Variants in POTEI observed in about 807,000 individuals in gnomAD.
The protein encoded by POTEI is POTE ankyrin domain family member I, also known as POTE ankyrin domain family, member I.
POTEI carries 14 observed loss-of-function variants against 43.4 expected under a neutral mutation model. The observed-to-expected ratio is 0.32, with a 90% CI of 0.21 to 0.50. The LOEUF (loss-of-function observed/expected upper bound fraction) is 0.50. Among genes scored for constraint, POTEI ranks in the 20% least tolerant of loss-of-function variants. POTEI has a pLI of 0.98. For missense variants in POTEI, 235 were observed against 795.4 expected, an observed-to-expected ratio of 0.30 and a Z score of 8.47; for synonymous variants, 95 against 297.9, an observed-to-expected ratio of 0.32 and a Z score of 7.01.
chr2:130,479,190 C>CATA, intron 10 of POTEI, among the ~76,000 whole-genome samples: 1 of 147,530 alleles, frequency 6.8e-6, no homozygotes, highest in Non-Finnish European at 1.5e-5. Flanking sequence ...TTTATATTCC[C>CATA]ACTGCCACTG....
At chr2:130,494,697 C>T (rs2579455) in intron 6 of POTEI, among the ~76,000 whole-genome samples, 24 of 143,466 alleles carry the variant, frequency 1.7e-4, no homozygotes, top group Non-Finnish European at 2.3e-4. Context: ...TAAAACACTG[C>T]CAACAGCACA....
chr2:130,477,472 G>A (rs1180688565), intron 10 of POTEI, among the ~76,000 whole-genome samples: 1 of 150,654 alleles, frequency 6.6e-6, no homozygotes, highest in African/African-American at 2.5e-5. Flanking sequence ...GCTATGTGAA[G>A]TCTTCCTTGA....
chr2:130,483,681 G>C (rs1284943393), intron 9 of POTEI, among the ~76,000 whole-genome samples: 1 of 140,720 alleles, frequency 7.1e-6, no homozygotes, highest in Non-Finnish European at 1.5e-5. Flanking sequence ...TGCAAGCTCC[G>C]CCTCCTGGGT....
rs879759124 is a variant in POTEI, at chr2:130,477,159, C to CT, written c.1481-459dup. ...AATTTATTTTCTTTTTTTCTTTTTT[C>CT]TTTTTTTTTTTTTATGAACCAGGGT... On this transcript the variant is annotated intron_variant, in intron 10 of 14. Transcript: ENST00000451531. Among the ~76,000 whole-genome samples, 1,422 of 145,130 alleles carry CT rather than the reference C, an allele frequency of 9.8e-3. 29 individuals are homozygous for CT. Among genetic ancestry groups the CT allele is most frequent in the African/African-American group, 0.026 (1,008 of 39,380 alleles).
chr2:130,493,767 T>G lies in POTEI; in HGVS notation c.1126+2785A>C, dbSNP rs1339501398. ...AAACATTTACAAAATGGCTTTTATT[T>G]AAAAAAAAAGCCTGCCAACTATTAA... On this transcript the variant is annotated intron_variant, in intron 6 of 14. Coordinates refer to ENST00000451531, the MANE Select transcript of POTEI (RefSeq NM_001277406.2). Among the ~76,000 whole-genome samples, 7 of 37,964 alleles carry G rather than the reference T, an allele frequency of 1.8e-4. 3 individuals are homozygous for G. In the Admixed American group the frequency reaches 2.4e-3, roughly 13 times the overall value. The allele number at this position is 37,964 out of a possible 152,430, so 24.9% of individuals were successfully genotyped here. A position where few individuals can be genotyped will look rare whatever the true frequency, so the allele number is the denominator to read the frequency against.
At chr2:130,504,541 A>G (rs1435927995) in intron 1 of POTEI, among the ~76,000 whole-genome samples, 1 of 144,502 alleles carries the variant, frequency 6.9e-6, no homozygotes, top group African/African-American at 2.5e-5. Flanking sequence ...TGAGGCATAA[A>G]ATAATGGGGC....
intron 13 of POTEI, among the ~76,000 whole-genome samples, chr2:130,470,584 C>A (rs536919274): frequency 0.018 from 144 of 7,792 alleles, 65 homozygotes; most frequent in Admixed American, 0.065. Flanking sequence ...CGTTAGAGAG[C>A]ATCCCTGGTA....
At chr2:130,502,084 G>A (rs866163029) in intron 3 of POTEI, among the ~76,000 whole-genome samples, 2,251 of 48,130 alleles carry the variant, frequency 0.047, 97 homozygotes, top group African/African-American at 0.091. Flanking sequence ...TGTTGTTGTC[G>A]TCGTCGTTGT....
intron 13 of POTEI, among the ~76,000 whole-genome samples, chr2:130,468,713 GGT>G (rs1405659163): frequency 6.8e-6 from 1 of 146,942 alleles, no homozygotes; most frequent in African/African-American, 2.5e-5. Context: ...TGGGGGGGGG[GGT>G]ATCCTTATTT....
At chr2:130,464,673 T>C (rs1682781772) in intron 14 of POTEI, among the ~76,000 whole-genome samples, 1 of 151,572 alleles carries the variant, frequency 6.6e-6, no homozygotes, top group Non-Finnish European at 1.5e-5. Context: ...ACATTTCTAA[T>C]ATTTCTATAC....
intron 5 of POTEI, among the ~76,000 whole-genome samples, chr2:130,497,589 T>A (rs1348852756): frequency 2.6e-5 from 1 of 38,056 alleles, no homozygotes; most frequent in Non-Finnish European, 6.3e-5. Context: ...GAACATGTTA[T>A]TCAGGTCTAA....
chr2:130,504,894 A>C (rs1257460868), intron 1 of POTEI, among the ~76,000 whole-genome samples: 5 of 137,502 alleles, frequency 3.6e-5, no homozygotes, highest in African/African-American at 1.3e-4. Flanking sequence ...GGATTTATGA[A>C]ACTATTTGTG....
Position 130,477,467 on chromosome 2 carries a change from G to A in POTEI, c.1481-766C>T, listed in dbSNP as rs75216921. 4.2e-3 allele frequency among the ~76,000 whole-genome samples: 623 copies of A among 147,882 alleles called. 10 individuals are homozygous for A. The highest frequency in any genetic ancestry group is 6.2e-3 in the Non-Finnish European group (417 of 67,156). ...TTTTCATCTTTTGAAACAATGCTAT[G>A]TGAAGTCTTCCTTGATTTTGCATGT... On this transcript the variant is annotated intron_variant, in intron 10 of 14. Transcript: ENST00000451531.
Position 130,476,208 on chromosome 2 carries a change from A to T in POTEI, c.1551+423T>A, listed in dbSNP as rs1404701613. ...AGAACCTATTAAAATATATATATAT[A>T]TTTTTTTCAGATGGAGTCTTGCTCT... is the stretch of plus-strand genomic sequence containing the variant. On this transcript the variant is annotated intron_variant, in intron 11 of 14. Coordinates refer to ENST00000451531, the MANE Select transcript of POTEI (RefSeq NM_001277406.2). Among the ~76,000 whole-genome samples, 12 of 30,248 alleles carry T rather than the reference A, an allele frequency of 4.0e-4. 5 individuals carry two copies. Among genetic ancestry groups the T allele is most frequent in the African/African-American group, 6.0e-4 (5 of 8,290 alleles). 19.8% of individuals were successfully genotyped at this position (30,248 alleles called of 152,430 possible). A position where few individuals can be genotyped will look rare whatever the true frequency, so the allele number is the denominator to read the frequency against.
chr2:130,468,711 G>A lies in POTEI; in HGVS notation c.1779-2939C>T, dbSNP rs867528232. 2.0e-5 allele frequency among the ~76,000 whole-genome samples: 3 copies of A among 149,980 alleles called. No individual in the cohort carries two copies. In the East Asian group the frequency reaches 5.9e-4, roughly 30 times the overall value. ...ACACAAAGCCAAACTATTGGGGGGG[G>A]GGGTATCCTTATTTTTAAAATATCT... On this transcript the variant is annotated intron_variant, in intron 13 of 14. Transcript: ENST00000451531.
chr2:130,467,732 C>A (rs1682884115), intron 13 of POTEI, among the ~76,000 whole-genome samples: 1 of 152,050 alleles, frequency 6.6e-6, no homozygotes, highest in Non-Finnish European at 1.5e-5. Context: ...CGACTAATAT[C>A]TATAACCTAC....
At chr2:130,464,605 A>G (rs1297751645) in intron 14 of POTEI, among the ~76,000 whole-genome samples, 3 of 151,100 alleles carry the variant, frequency 2.0e-5, no homozygotes, top group Admixed American at 6.6e-5. Context: ...ATTTGGACAG[A>G]AGCAATTTCT....
intron 1 of POTEI, among the ~76,000 whole-genome samples, chr2:130,508,042 AT>A (rs1684234884): frequency 4.0e-4 from 1 of 2,520 alleles, no homozygotes; most frequent in Admixed American, 9.1e-3. Context: ...TGCCCGGCTA[AT>A]TTTTTTTATA....
intron 13 of POTEI, among the ~76,000 whole-genome samples, chr2:130,472,155 A>G (rs1279789376): frequency 7.2e-6 from 1 of 139,032 alleles, no homozygotes; most frequent in Non-Finnish European, 1.5e-5. Context: ...ACAGAAAAAA[A>G]TTAGTGATAA....
Sources: allele counts gnomAD v4.1 joint callset (sites outside exome capture counted in the v4.1 genomes callset), GRCh38; gene constraint gnomAD v4.1.1; transcripts MANE v1.5; gene names NCBI Gene and HGNC (gene_info 2026-07-23, HGNC 2026-07-21).